KCNIP1: variants seen among roughly 807,000 people sequenced by gnomAD.
KCNIP1 encodes the protein potassium voltage-gated channel interacting protein 1.
A neutral mutation model predicts 33.0 loss-of-function variants in KCNIP1; 18 were observed. The observed-to-expected ratio is 0.55, with a 90% confidence interval of 0.38 to 0.81. The LOEUF (loss-of-function observed/expected upper bound fraction) is 0.81. Among genes scored for constraint, KCNIP1 ranks in the 30% least tolerant of loss-of-function variants. The pLI, the probability that KCNIP1 is intolerant of heterozygous loss-of-function variation, is 0.00. For missense variants in KCNIP1, 238 were observed against 271.6 expected, an observed-to-expected ratio of 0.88 and a Z score of 0.87; for synonymous variants, 93 against 98.3, an observed-to-expected ratio of 0.95 and a Z score of 0.32.
chr5:170,731,404 G>A (rs1402138724), intron 5 of KCNIP1, among the ~76,000 whole-genome samples: 2 of 152,106 alleles, frequency 1.3e-5, no homozygotes, highest in Non-Finnish European at 2.9e-5. Flanking sequence ...TGAAAGACAA[G>A]GAAACAAAGA....
chr5:170,688,095 A>G lies in KCNIP1; in HGVS notation c.62-30663A>G, dbSNP rs143644779. Reference sequence around the variant, plus strand: ...TATATACATGATATACTTCATATACATTATTTCATTTAGTCCTCATGGCTA... The same window carrying G: ...TATATACATGATATACTTCATATACGTTATTTCATTTAGTCCTCATGGCTA... On this transcript the variant is annotated intron_variant, in intron 1 of 7. Transcript: ENST00000328939. Among the ~76,000 whole-genome samples, 345 of 152,322 alleles carry G rather than the reference A, an allele frequency of 2.3e-3. 1 individual carries two copies. The highest frequency in any genetic ancestry group is 8.0e-3 in the African/African-American group (334 of 41,572).
intron 1 of KCNIP1, among the ~76,000 whole-genome samples, chr5:170,498,537 C>A (rs151061914): frequency 2.0e-5 from 3 of 152,300 alleles, no homozygotes; most frequent in African/African-American, 7.2e-5. Flanking sequence ...CCTTCCTAGC[C>A]TGAATGCAAT....
intron 1 of KCNIP1, among the ~76,000 whole-genome samples, chr5:170,428,048 T>C (rs1185024151): frequency 6.6e-6 from 1 of 152,238 alleles, no homozygotes; most frequent in African/African-American, 2.4e-5. Context: ...TTCAAAACCA[T>C]GCTCAACTAT....
At chr5:170,365,676 C>G (rs1253138615) in intron 1 of KCNIP1, among the ~76,000 whole-genome samples, 1 of 152,304 alleles carries the variant, frequency 6.6e-6, no homozygotes, top group East Asian at 1.9e-4. Flanking sequence ...CCCCTCCAGC[C>G]CTTGAGGATC....
chr5:170,497,414 C>A (rs1465556682), intron 1 of KCNIP1, among the ~76,000 whole-genome samples: 2 of 152,144 alleles, frequency 1.3e-5, no homozygotes, highest in Non-Finnish European at 2.9e-5. Flanking sequence ...GGATAAAATC[C>A]TTTACCATAA....
At chr5:170,394,475 G>GGA (rs1754703999) in intron 1 of KCNIP1, among the ~76,000 whole-genome samples, 2 of 151,768 alleles carry the variant, frequency 1.3e-5, no homozygotes, top group African/African-American at 2.4e-5. Context: ...TGGTTTTCGG[G>GGA]AAAAAAAATC....
At chr5:170,359,868 C>A (rs1390793201) in intron 1 of KCNIP1, among the ~76,000 whole-genome samples, 1 of 152,234 alleles carries the variant, frequency 6.6e-6, no homozygotes, top group Non-Finnish European at 1.5e-5. Context: ...GGATCACCTG[C>A]CCCTCTGGAG....
chr5:170,425,731 A>T (rs1755598833), intron 1 of KCNIP1, among the ~76,000 whole-genome samples: 1 of 152,216 alleles, frequency 6.6e-6, no homozygotes, highest in African/African-American at 2.4e-5. Flanking sequence ...GCCATGAAGA[A>T]GACCACCAGA....
chr5:170,509,913 C>T (rs984984442), intron 1 of KCNIP1, among the ~76,000 whole-genome samples: 2 of 152,216 alleles, frequency 1.3e-5, no homozygotes, highest in Admixed American at 6.5e-5. Context: ...AGTGATTCCC[C>T]TTGTCTTCCC....
intron 1 of KCNIP1, among the ~76,000 whole-genome samples, chr5:170,534,054 C>T (rs2113354597): frequency 6.6e-6 from 1 of 152,342 alleles, no homozygotes; most frequent in Middle Eastern, 3.4e-3. Context: ...AACATATGCA[C>T]ATTTAAACTT....
At chr5:170,477,467 C>T (rs929852814) in intron 1 of KCNIP1, among the ~76,000 whole-genome samples, 1 of 152,024 alleles carries the variant, frequency 6.6e-6, no homozygotes, top group Non-Finnish European at 1.5e-5. Context: ...GGCAGAGTCT[C>T]GTTCTGTAGC....
chr5:170,496,533 A>G (rs1404858159), intron 1 of KCNIP1, among the ~76,000 whole-genome samples: 2 of 152,220 alleles, frequency 1.3e-5, no homozygotes, highest in Non-Finnish European at 2.9e-5. Context: ...GAAATGATTA[A>G]GTGAGATCAG....
chr5:170,636,570 G>A (rs944066590), intron 1 of KCNIP1, among the ~76,000 whole-genome samples: 5 of 152,102 alleles, frequency 3.3e-5, no homozygotes, highest in African/African-American at 9.7e-5. Flanking sequence ...AATATGACAC[G>A]GCCACGCTTC....
At chr5:170,468,694 A>G (rs1756660325) in intron 1 of KCNIP1, among the ~76,000 whole-genome samples, 1 of 151,994 alleles carries the variant, frequency 6.6e-6, no homozygotes, top group Non-Finnish European at 1.5e-5. Context: ...CAGCCTGGGC[A>G]ACATGGAGAA....
At chr5:170,624,520 T>G (rs939417103) in intron 1 of KCNIP1, among the ~76,000 whole-genome samples, 2 of 152,078 alleles carry the variant, frequency 1.3e-5, no homozygotes, top group Non-Finnish European at 2.9e-5. Flanking sequence ...TCTCTGGCTA[T>G]TCTCCTATAT....
intron 1 of KCNIP1, among the ~76,000 whole-genome samples, chr5:170,696,257 G>A (rs1198990659): frequency 1.3e-5 from 2 of 152,086 alleles, no homozygotes; most frequent in Non-Finnish European, 2.9e-5. Context: ...ATTGATGCCA[G>A]TATTTGTTTA....
chr5:170,391,587 G>A (rs1402121040), intron 1 of KCNIP1, among the ~76,000 whole-genome samples: 2 of 152,184 alleles, frequency 1.3e-5, no homozygotes, highest in Non-Finnish European at 1.5e-5. Flanking sequence ...CATTAGTACG[G>A]GGTGTCAGAG....
rs374418035 is a variant in KCNIP1 at position 170,392,705 on chromosome 5, C to T, written c.88+38741C>T. On this transcript the variant is annotated intron_variant, in intron 1 of 7. Transcript: ENST00000377360. The stretch of plus-strand genomic sequence containing the variant: ...GGGCACGATGGCAGGTGCCTATAAT[C>T]CCAGCTATTCTGGGAAGCCGAGGCA... Among the ~76,000 whole-genome samples, 58 of 152,300 alleles carry T rather than the reference C, an allele frequency of 3.8e-4. 2 individuals are homozygous for T. The highest frequency in any genetic ancestry group is 1.3e-3 in the African/African-American group (54 of 41,560).
intron 1 of KCNIP1, among the ~76,000 whole-genome samples, chr5:170,466,537 C>G (rs986921259): frequency 2.0e-5 from 3 of 152,028 alleles, no homozygotes; most frequent in African/African-American, 7.3e-5. Context: ...TTATTAGAAA[C>G]AGAAAAGGTG....
Sources: allele counts gnomAD v4.1 joint callset (sites outside exome capture counted in the v4.1 genomes callset), GRCh38; gene constraint gnomAD v4.1.1; transcripts MANE v1.5; gene names NCBI Gene and HGNC (gene_info 2026-07-23, HGNC 2026-07-21).